The following S100Z variants were observed in gnomAD, a reference collection of about 807,000 sequenced individuals.
S100Z encodes S100 calcium binding protein Z, also known as protein S100-Z.
In S100Z, 11 loss-of-function variants were observed where a neutral mutation model predicts 8.5. The ratio of observed to expected loss-of-function variants is 1.30; its 90% CI spans 0.82 to 2.15. The LOEUF (loss-of-function observed/expected upper bound fraction) is 2.15. Ranked by LOEUF, S100Z falls within the 30% of genes most tolerant of loss-of-function variation. S100Z has a pLI of 0.00. For missense variants in S100Z, 126 were observed against 117.9 expected, an observed-to-expected ratio of 1.07 and a Z score of -0.32; for synonymous variants, 34 against 43.8, an observed-to-expected ratio of 0.78 and a Z score of 0.89.
intron 4 of S100Z, among the ~76,000 whole-genome samples, chr5:76,889,458 C>T (rs565072320): frequency 6.6e-6 from 1 of 152,102 alleles, no homozygotes; most frequent in Admixed American, 6.5e-5. Context: ...TTCGCAGGGG[C>T]CTTTAAGCTT....
intron 4 of S100Z, among the ~76,000 whole-genome samples, chr5:76,915,971 G>A (rs527692961): frequency 6.6e-6 from 1 of 152,172 alleles, no homozygotes; most frequent in Non-Finnish European, 1.5e-5. Flanking sequence ...GACCAGTCAG[G>A]CCAACATGGT....
intron 4 of S100Z, among the ~76,000 whole-genome samples, chr5:76,907,009 TATATATATATATATAC>T (rs1261506845): frequency 2.6e-4 from 5 of 19,284 alleles, no homozygotes; most frequent in African/African-American, 3.8e-4. Flanking sequence ...TATATATATA[TATATATATATATATAC>T]ATATATATAT....
chr5:76,931,935 T>A, the S100Z span, among the ~76,000 whole-genome samples: 1 of 152,144 alleles, frequency 6.6e-6, no homozygotes, highest in African/African-American at 2.4e-5. Context: ...ATGGTAGTTA[T>A]CTCTGGATGG....
At chr5:76,852,654 G>A (rs1352823321) in intron 1 of S100Z, among the ~76,000 whole-genome samples, 2 of 152,140 alleles carry the variant, frequency 1.3e-5, no homozygotes, top group African/African-American at 2.4e-5. Flanking sequence ...AGGTTGCAGT[G>A]AGCTGAGATC....
Position 76,920,866 on chromosome 5 carries a change from C to T in S100Z, c.*152C>T, listed in dbSNP as rs915844270. ...GGGCTTTGGAGAAAGCTGCTTGAGC[C>T]CTTCCCATGCTCATAAATTAGGTAA... On this transcript the variant is annotated 3_prime_UTR_variant, in exon 5 of 5. Coordinates refer to ENST00000317593, the MANE Select transcript of S100Z (RefSeq NM_130772.4). The T allele has an allele frequency of 5.9e-5, 9 of 152,138 alleles. No individual in the cohort carries two copies. Among genetic ancestry groups the T allele is most frequent in the African/African-American group, 1.9e-4 (8 of 41,428 alleles). 9.4% of individuals were successfully genotyped at this position (152,138 alleles called of 1,614,324 possible).
the S100Z span, among the ~76,000 whole-genome samples, chr5:76,936,357 T>C: frequency 6.6e-6 from 1 of 152,130 alleles, no homozygotes; most frequent in Non-Finnish European, 1.5e-5. Context: ...ATAAGCTTAT[T>C]TTTATAAGAA....
the S100Z span, among the ~76,000 whole-genome samples, chr5:76,942,644 G>T: frequency 1.3e-5 from 2 of 152,152 alleles, no homozygotes; most frequent in African/African-American, 4.8e-5. Context: ...AGACACTGGG[G>T]TGTTTAGTAT....
the S100Z span, among the ~76,000 whole-genome samples, chr5:76,928,385 C>T: frequency 6.6e-6 from 1 of 152,198 alleles, no homozygotes; most frequent in African/African-American, 2.4e-5. Context: ...TGTGGCTTCA[C>T]AGACATTTTG....
chr5:76,936,040 G>A, the S100Z span, among the ~76,000 whole-genome samples: 3 of 152,110 alleles, frequency 2.0e-5, no homozygotes, highest in Non-Finnish European at 2.9e-5. Flanking sequence ...GCGTCCCCAA[G>A]TACTGGGATT....
chr5:76,894,421 CAT>C (rs1743964478), intron 4 of S100Z, among the ~76,000 whole-genome samples: 1 of 152,134 alleles, frequency 6.6e-6, no homozygotes, highest in Admixed American at 6.5e-5. Context: ...CATGGTCACT[CAT>C]ATTTTGTTCA....
At chr5:76,850,409 C>T (rs1028199842) in intron 1 of S100Z, among the ~76,000 whole-genome samples, 1 of 151,874 alleles carries the variant, frequency 6.6e-6, no homozygotes, top group Non-Finnish European at 1.5e-5. Flanking sequence ...TGGTAAGTTC[C>T]TTGCCCTAAA....
chr5:76,851,313 G>A (rs113505109), intron 1 of S100Z, among the ~76,000 whole-genome samples: 2,579 of 152,306 alleles, frequency 0.017, 32 homozygotes, highest in Non-Finnish European at 0.025. Context: ...TGTCCAGGAG[G>A]TTAAGTGAGG....
At chr5:76,873,706 T>C (rs968036282) in intron 2 of S100Z, among the ~76,000 whole-genome samples, 1 of 152,124 alleles carries the variant, frequency 6.6e-6, no homozygotes, top group Admixed American at 6.5e-5. Context: ...GCAGATGGGA[T>C]GGTTGAGGTT....
At chr5:76,889,499 T>G (rs1049797633) in intron 4 of S100Z, among the ~76,000 whole-genome samples, 10 of 152,264 alleles carry the variant, frequency 6.6e-5, no homozygotes, top group African/African-American at 2.4e-4. Context: ...AGTTTACATA[T>G]TCTAAAGTGA....
the S100Z span, among the ~76,000 whole-genome samples, chr5:76,942,433 C>CAAAAAAA: frequency 2.6e-5 from 3 of 113,226 alleles, 1 homozygote; most frequent in Non-Finnish European, 5.4e-5. Context: ...TTATATTGGC[C>CAAAAAAA]AAAAAAAAAA....
At chr5:76,912,027 A>G (rs1744680940) in intron 4 of S100Z, among the ~76,000 whole-genome samples, 1 of 152,172 alleles carries the variant, frequency 6.6e-6, no homozygotes, top group South Asian at 2.1e-4. Context: ...TGGCATACCT[A>G]AGTAAGGAAA....
chr5:76,903,610 A>G (rs1031673799), intron 4 of S100Z, among the ~76,000 whole-genome samples: 2 of 152,010 alleles, frequency 1.3e-5, no homozygotes, highest in African/African-American at 4.8e-5. Flanking sequence ...TAAAAATTTT[A>G]CCTTTCTAAT....
At chr5:76,862,212 T>G (rs1052948246) in intron 1 of S100Z, among the ~76,000 whole-genome samples, 4 of 151,666 alleles carry the variant, frequency 2.6e-5, no homozygotes, top group African/African-American at 9.7e-5. Flanking sequence ...CCTAATGAAC[T>G]CCCATGTACC....
At chr5:76,939,532 A>T in the S100Z span, among the ~76,000 whole-genome samples, 2 of 89,628 alleles carry the variant, frequency 2.2e-5, no homozygotes, top group Non-Finnish European at 4.7e-5. Flanking sequence ...TTTTTTTTTT[A>T]ATGGAGTTTT....
Sources: gnomAD v4.1 joint callset for allele counts (sites outside exome capture counted in the v4.1 genomes callset) on GRCh38, gnomAD v4.1.1 for gene constraint, MANE v1.5 for transcripts, NCBI Gene and HGNC (gene_info 2026-07-23, HGNC 2026-07-21) for gene names.